The following CSNK1A1 variants were observed in gnomAD, a reference collection of about 807,000 sequenced individuals.
CSNK1A1 encodes the protein casein kinase 1 alpha 1, also known as casein kinase I isoform alpha.
CSNK1A1 carries 7 observed loss-of-function variants against 46.1 expected under a neutral mutation model. That is an observed-to-expected ratio of 0.15 (90% CI 0.09 to 0.29). The LOEUF (loss-of-function observed/expected upper bound fraction) is 0.29, where lower values mean the gene tolerates loss of function less well. Among genes scored for constraint, CSNK1A1 ranks in the 10% least tolerant of loss-of-function variants. CSNK1A1 has a pLI of 1.00. For missense variants in CSNK1A1, 96 were observed against 417.1 expected (o/e 0.23, Z 6.71); for synonymous variants, 137 against 141.5 (o/e 0.97, Z 0.23).
chr5:149,543,736 T>C (rs570134842), intron 2 of CSNK1A1, among the ~76,000 whole-genome samples: 1 of 152,188 alleles, frequency 6.6e-6, no homozygotes, highest in South Asian at 2.1e-4. Context: ...TAAAACACAC[T>C]AGGCAGCTGG....
intron 4 of CSNK1A1, among the ~76,000 whole-genome samples, chr5:149,519,002 C>G (rs1761482742): frequency 6.6e-6 from 1 of 151,842 alleles, no homozygotes; most frequent in South Asian, 2.1e-4. Flanking sequence ...AACTTAAGAA[C>G]AGTAATTTTT....
chr5:149,510,069 C>T, intron 6 of CSNK1A1, 116 bp from the exon 7 acceptor site: 1 of 668,282 alleles, frequency 1.5e-6, no homozygotes, highest in South Asian at 2.4e-5. Context: ...AAATTTTAAC[C>T]CAGAATTTAA....
chr5:149,505,407 A>AT, intron 9 of CSNK1A1, 40 bp downstream of exon 9: 6 of 1,585,586 alleles, frequency 3.8e-6, no homozygotes, highest in Admixed American at 1.7e-5. Flanking sequence ...TTTGTATTCA[A>AT]TTTTTTCCCT....
At chr5:149,524,686 T>C in intron 3 of CSNK1A1, among the ~76,000 whole-genome samples, 1 of 152,168 alleles carries the variant, frequency 6.6e-6, no homozygotes, top group Non-Finnish European at 1.5e-5. Flanking sequence ...ATACATAATA[T>C]TCAATTTTGC....
intron 6 of CSNK1A1, among the ~76,000 whole-genome samples, chr5:149,511,295 G>A (rs951001792): frequency 1.3e-5 from 2 of 152,050 alleles, no homozygotes; most frequent in Non-Finnish European, 2.9e-5. Context: ...TTCCGGCTTG[G>A]GCAACAGAGC....
At chr5:149,497,245 C>T (rs1284370837) in intron 9 of CSNK1A1, 1 of 1,002,252 alleles carries the variant, frequency 1.0e-6, no homozygotes, top group South Asian at 4.4e-5. Flanking sequence ...CAATTTTAAT[C>T]CTACCATAGG....
chr5:149,531,768 G>C (rs1411265593), intron 2 of CSNK1A1, among the ~76,000 whole-genome samples: 1 of 151,182 alleles, frequency 6.6e-6, no homozygotes, highest in Non-Finnish European at 1.5e-5. Flanking sequence ...CTACTCAGGA[G>C]GCAGACGCTG....
At chr5:149,542,447 C>G (rs1355464509) in intron 2 of CSNK1A1, among the ~76,000 whole-genome samples, 1 of 146,958 alleles carries the variant, frequency 6.8e-6, no homozygotes, top group Non-Finnish European at 1.5e-5. Flanking sequence ...CACCCCACCC[C>G]CTACTTGCTC....
At chr5:149,504,156 G>A in intron 9 of CSNK1A1, 3 of 985,298 alleles carry the variant, frequency 3.0e-6, no homozygotes, top group African/African-American at 1.7e-5. Flanking sequence ...TGAACATTAG[G>A]GTTTGCTATC....
At chr5:149,542,644 A>ATATATATG (rs1762315254) in intron 2 of CSNK1A1, among the ~76,000 whole-genome samples, 1 of 9,790 alleles carries the variant, frequency 1.0e-4, no homozygotes, top group African/African-American at 8.9e-4. Context: ...ATATATGTAT[A>ATATATATG]TATATATATA....
intron 9 of CSNK1A1, among the ~76,000 whole-genome samples, chr5:149,500,582 TTTTC>T (rs1307644755): frequency 6.6e-6 from 1 of 152,070 alleles, no homozygotes; most frequent in Non-Finnish European, 1.5e-5. Flanking sequence ...CGGCCTTTTT[TTTTC>T]TTTTCTTTTT....
intron 2 of CSNK1A1, chr5:149,545,631 G>T: frequency 1.1e-6 from 1 of 878,326 alleles, no homozygotes; most frequent in Non-Finnish European, 1.8e-6. Context: ...CGAGGGCCCT[G>T]CTAGCCTCAG....
In CSNK1A1 at chr5:149,501,954, T is replaced by C. The variant is rs1295530509; in HGVS notation, c.1006+3493A>G. ...AACAGTAATTATAATCTTGTAGTAA[T>C]TGAACATTAAAAACTAGTATAGATA... On this transcript the variant is annotated intron_variant, in intron 9 of 9. Coordinates refer to ENST00000377843, the MANE Select transcript of CSNK1A1 (RefSeq NM_001892.6). The C allele has an allele frequency of 7.5e-6, 7 of 937,070 alleles. No individual in the cohort carries two copies. In the South Asian group the frequency reaches 2.0e-4, roughly 26 times the overall value. 58.0% of individuals were successfully genotyped at this position (937,070 alleles called of 1,614,324 possible).
Position 149,534,469 on chromosome 5 carries a change from C to T in CSNK1A1, c.231-9298G>A, listed in dbSNP as rs188042657. Among the ~76,000 whole-genome samples the T allele has an allele frequency of 6.5e-3, 696 of 107,722 alleles. 6 individuals carry two copies. The highest frequency in any genetic ancestry group is 0.025 in the African/African-American group (640 of 25,802). The allele number at this position is 107,722 out of a possible 152,430, so 70.7% of individuals were successfully genotyped here. A position where few individuals can be genotyped will look rare whatever the true frequency, so the allele number is the denominator to read the frequency against. On this transcript the variant is annotated intron_variant, in intron 2 of 9. Coordinates refer to ENST00000377843, the MANE Select transcript of CSNK1A1 (RefSeq NM_001892.6). Reference sequence around the variant, plus strand: ...ATTGCACTCCAGCCTGGCGACAGAGCGAGACTCTGTCTCAAAAAAAAAAAA... The same window carrying T: ...ATTGCACTCCAGCCTGGCGACAGAGTGAGACTCTGTCTCAAAAAAAAAAAA...
At chr5:149,520,761 C>T (rs1761542389) in intron 3 of CSNK1A1, among the ~76,000 whole-genome samples, 1 of 152,124 alleles carries the variant, frequency 6.6e-6, no homozygotes, top group African/African-American at 2.4e-5. Context: ...CTAAAGTAAC[C>T]TGTTAAAATG....
At chr5:149,497,403 C>T (rs1341179390) in intron 9 of CSNK1A1, 28 of 985,576 alleles carry the variant, frequency 2.8e-5, no homozygotes, top group African/African-American at 5.2e-5. Flanking sequence ...ACTTCTTTAC[C>T]GGCCGCATTA....
Position 149,520,359 on chromosome 5 carries a change from T to C in CSNK1A1, c.387A>G (p.Thr129=). ...TAATGTCTCTGTGTATAAAATTCTTTGTATGCACATATTCAATTCTACTGA... is the reference window on the plus strand; with the variant it reads ...TAATGTCTCTGTGTATAAAATTCTTCGTATGCACATATTCAATTCTACTGA... The part of the protein sequence containing the change: ...QMISRIEYVH[T]KNFIHRDIKP... Residue 129 remains threonine, a synonymous_variant, in exon 4 of 10, where the codon ACA becomes ACG. Coordinates refer to ENST00000377843, the MANE Select transcript of CSNK1A1 (RefSeq NM_001892.6). The C allele has an allele frequency of 1.2e-6, 2 of 1,607,520 alleles. No homozygotes were observed. The highest frequency in any genetic ancestry group is 1.1e-5 in the South Asian group (1 of 90,782).
At position 149,510,343 on chromosome 5, in the gene CSNK1A1, C is replaced by T. The variant is rs145823385; in HGVS notation, c.676-390G>A. ...GCCATTCACAGGCTCAGCAGTAATT[C>T]CCTGTGGCCTCCAACTCCTGGCCTC... On this transcript the variant is annotated intron_variant, in intron 6 of 9. Coordinates refer to ENST00000377843, the MANE Select transcript of CSNK1A1 (RefSeq NM_001892.6). Among the ~76,000 whole-genome samples the T allele has an allele frequency of 3.7e-3, 566 of 152,204 alleles. 18 individuals are homozygous for T. Among genetic ancestry groups the T allele is most frequent in the East Asian group, 0.018 (92 of 5,182 alleles).
At chr5:149,499,959 CTTTT>C (rs1169224966) in intron 9 of CSNK1A1, among the ~76,000 whole-genome samples, 1 of 70,772 alleles carries the variant, frequency 1.4e-5, no homozygotes, top group South Asian at 6.7e-4. Flanking sequence ...GGTTTTTTTT[CTTTT>C]TTTCTTTTTT....
Sources: gnomAD v4.1 joint callset for allele counts (sites outside exome capture counted in the v4.1 genomes callset) on GRCh38, gnomAD v4.1.1 for gene constraint, MANE v1.5 for transcripts, NCBI Gene and HGNC (gene_info 2026-07-23, HGNC 2026-07-21) for gene names.